Variants in CRPPA observed in about 807,000 individuals in gnomAD.
CRPPA encodes the protein CDP-L-ribitol pyrophosphorylase A, also known as D-ribitol-5-phosphate cytidylyltransferase.
In CRPPA, 43 loss-of-function variants were observed where a neutral mutation model predicts 52.0. That is an observed-to-expected ratio of 0.83 (90% CI 0.65 to 1.07). The LOEUF (loss-of-function observed/expected upper bound fraction) is 1.07, where lower values mean the gene tolerates loss of function less well. Ranked by LOEUF, CRPPA falls within the 50% of genes least tolerant of loss-of-function variation. The pLI is 0.00. For missense variants in CRPPA, 629 were observed against 551.7 expected, an observed-to-expected ratio of 1.14 and a Z score of -1.40; for synonymous variants, 250 against 203.5, an observed-to-expected ratio of 1.23 and a Z score of -1.94.
intron 9 of CRPPA, among the ~76,000 whole-genome samples, chr7:16,170,396 T>C (rs1360115570): frequency 6.6e-6 from 1 of 152,176 alleles, no homozygotes; most frequent in Admixed American, 6.5e-5. Context: ...AGATGGTGTG[T>C]CTAGAGTTTA....
At chr7:16,360,507 G>GTAT (rs562702982) in intron 3 of CRPPA, among the ~76,000 whole-genome samples, 1 of 152,234 alleles carries the variant, frequency 6.6e-6, no homozygotes, top group East Asian at 1.9e-4. Context: ...AGTAGTAGCA[G>GTAT]TAGTAGTAGT....
chr7:16,140,521 T>A (rs1204952340), intron 9 of CRPPA, among the ~76,000 whole-genome samples: 1 of 152,182 alleles, frequency 6.6e-6, no homozygotes, highest in Non-Finnish European at 1.5e-5. Context: ...TACAAATTAT[T>A]ACACAGACAC....
At chr7:16,402,122 G>T (rs1216665328) in intron 2 of CRPPA, among the ~76,000 whole-genome samples, 1 of 152,158 alleles carries the variant, frequency 6.6e-6, no homozygotes, top group African/African-American at 2.4e-5. Flanking sequence ...TCATTTAAAA[G>T]GTAGCTGGGG....
chr7:16,189,167 T>C (rs1251335038), intron 9 of CRPPA, among the ~76,000 whole-genome samples: 1 of 152,126 alleles, frequency 6.6e-6, no homozygotes, highest in Non-Finnish European at 1.5e-5. Flanking sequence ...TCATCAGGAC[T>C]AGAATAAATC....
chr7:16,283,882 T>A (rs1784370039), intron 5 of CRPPA, among the ~76,000 whole-genome samples: 1 of 152,056 alleles, frequency 6.6e-6, no homozygotes, highest in South Asian at 2.1e-4. Flanking sequence ...TAACTACAGA[T>A]ATAGGATACT....
intron 6 of CRPPA, chr7:16,269,825 A>T (rs535399713): frequency 6.6e-6 from 1 of 152,312 alleles, no homozygotes; most frequent in East Asian, 1.9e-4. Context: ...CATAAAATAC[A>T]TTTCCAAACT....
intron 8 of CRPPA, among the ~76,000 whole-genome samples, chr7:16,227,595 GT>G (rs927957174): frequency 4.6e-5 from 7 of 151,694 alleles, no homozygotes; most frequent in African/African-American, 1.2e-4. Context: ...ATAGAGCCAA[GT>G]TTTTTTACAT....
At chr7:16,099,979 C>T (rs954108158) in intron 9 of CRPPA, among the ~76,000 whole-genome samples, 1 of 152,150 alleles carries the variant, frequency 6.6e-6, no homozygotes, top group South Asian at 2.1e-4. Context: ...GATGCTCTAA[C>T]TGGTCACTTC....
intron 3 of CRPPA, among the ~76,000 whole-genome samples, chr7:16,334,897 A>C (rs75773564): frequency 0.085 from 13,000 of 152,156 alleles, 835 homozygotes; most frequent in African/African-American, 0.18. Context: ...CATCAATGTA[A>C]AGGCATGAGA....
At chr7:16,227,949 C>T (rs940451520) in intron 8 of CRPPA, among the ~76,000 whole-genome samples, 6 of 151,756 alleles carry the variant, frequency 4.0e-5, no homozygotes, top group Non-Finnish European at 8.9e-5. Context: ...TAATTCCATT[C>T]TTCTGTGTGT....
At chr7:16,162,190 G>T (rs1157746606) in intron 9 of CRPPA, among the ~76,000 whole-genome samples, 2 of 151,894 alleles carry the variant, frequency 1.3e-5, no homozygotes, top group Non-Finnish European at 2.9e-5. Context: ...GTTCTGTTCT[G>T]ATCTTAGTCA....
intron 3 of CRPPA, among the ~76,000 whole-genome samples, chr7:16,358,019 G>A (rs1043284026): frequency 6.6e-6 from 1 of 152,236 alleles, no homozygotes; most frequent in Non-Finnish European, 1.5e-5. Context: ...CAAGCTGGAA[G>A]TATACTGCTG....
At chr7:16,410,989 T>A (rs1327917250) in intron 1 of CRPPA, among the ~76,000 whole-genome samples, 1 of 152,220 alleles carries the variant, frequency 6.6e-6, no homozygotes, top group Non-Finnish European at 1.5e-5. Flanking sequence ...TATACTGCAC[T>A]GTTTATAACT....
At chr7:16,219,988 C>A (rs1393744736) in intron 8 of CRPPA, among the ~76,000 whole-genome samples, 2 of 143,026 alleles carry the variant, frequency 1.4e-5, no homozygotes, top group Non-Finnish European at 3.1e-5. Flanking sequence ...GAGACACAAC[C>A]AAAAAAGAGA....
chr7:16,355,871 A>C (rs1337156916), intron 3 of CRPPA, among the ~76,000 whole-genome samples: 1 of 152,214 alleles, frequency 6.6e-6, no homozygotes, highest in Non-Finnish European at 1.5e-5. Flanking sequence ...GTTCTCATTC[A>C]TTATTACAGT....
chr7:16,397,289 G>A (rs566621621), intron 2 of CRPPA, among the ~76,000 whole-genome samples: 1 of 152,234 alleles, frequency 6.6e-6, no homozygotes, highest in Non-Finnish European at 1.5e-5. Context: ...ACACAATTGT[G>A]ACAAGTCACT....
chr7:16,398,578 T>C (rs2128316616), intron 2 of CRPPA, among the ~76,000 whole-genome samples: 1 of 152,146 alleles, frequency 6.6e-6, no homozygotes, highest in Non-Finnish European at 1.5e-5. Flanking sequence ...TCGACACGTG[T>C]GGCACGTGAC....
chr7:16,301,986 A>G (rs1255413946), intron 4 of CRPPA, among the ~76,000 whole-genome samples: 2 of 152,178 alleles, frequency 1.3e-5, no homozygotes, highest in Non-Finnish European at 2.9e-5. Flanking sequence ...TAAAATAGAA[A>G]GAGCCTATAG....
At chr7:16,417,928 G>A (rs780190780) in intron 1 of CRPPA, among the ~76,000 whole-genome samples, 2 of 152,182 alleles carry the variant, frequency 1.3e-5, no homozygotes, top group African/African-American at 2.4e-5. Flanking sequence ...AATGAGAACT[G>A]TGCTTTCTCT....
Sources: gnomAD v4.1 joint callset for allele counts (sites outside exome capture counted in the v4.1 genomes callset) on GRCh38, gnomAD v4.1.1 for gene constraint, MANE v1.5 for transcripts, NCBI Gene and HGNC (gene_info 2026-07-23, HGNC 2026-07-21) for gene names.